Variants in FAM229B observed in about 807,000 individuals in gnomAD.
The protein encoded by FAM229B is family with sequence similarity 229 member B.
FAM229B carries 2 observed loss-of-function variants against 6.7 expected under a neutral mutation model. The ratio of observed to expected loss-of-function variants is 0.30; its 90% CI spans 0.12 to 0.94. The LOEUF (loss-of-function observed/expected upper bound fraction) is 0.94, where lower values mean the gene tolerates loss of function less well. Ranked by LOEUF, FAM229B falls within the 40% of genes least tolerant of loss-of-function variation. The pLI, the probability that FAM229B is intolerant of heterozygous loss-of-function variation, is 0.54. For synonymous variants in FAM229B, 29 were observed against 34.0 expected (o/e 0.85, Z 0.51); for missense variants, 93 against 96.2 (o/e 0.97, Z 0.14).
intron 3 of FAM229B, 58 bp downstream of exon 3, chr6:112,099,466 C>T (rs2114510763): frequency 2.0e-6 from 3 of 1,477,270 alleles, no homozygotes; most frequent in Non-Finnish European, 2.7e-6. Context: ...TCAATACAAC[C>T]TTCAGCTGAT....
chr6:112,099,915 G>C (rs1157851409), intron 3 of FAM229B, among the ~76,000 whole-genome samples: 1 of 152,224 alleles, frequency 6.6e-6, no homozygotes, highest in Non-Finnish European at 1.5e-5. Context: ...GTGAGACAAA[G>C]TGTTTTTGCA....
At chr6:112,095,676 AAG>A (rs1554318586) in intron 1 of FAM229B, among the ~76,000 whole-genome samples, 1 of 135,782 alleles carries the variant, frequency 7.4e-6, no homozygotes, top group Non-Finnish European at 1.5e-5. Context: ...AAAAAAAAAA[AAG>A]AAAAAAAAAA....
At chr6:112,093,227 A>T (rs1777280612) in intron 1 of FAM229B, among the ~76,000 whole-genome samples, 1 of 152,018 alleles carries the variant, frequency 6.6e-6, no homozygotes, top group African/African-American at 2.4e-5. Flanking sequence ...AAAATCAATG[A>T]ATGAAAAGTA....
At chr6:112,090,750 G>A (rs1156912162) in intron 1 of FAM229B, among the ~76,000 whole-genome samples, 1 of 151,980 alleles carries the variant, frequency 6.6e-6, no homozygotes, top group Non-Finnish European at 1.5e-5. Context: ...TAATTATTGT[G>A]TATATTAATG....
At chr6:112,094,365 G>A (rs968763813) in intron 1 of FAM229B, among the ~76,000 whole-genome samples, 28 of 152,150 alleles carry the variant, frequency 1.8e-4, no homozygotes, top group African/African-American at 6.8e-4. Context: ...GATTTGGCCT[G>A]TGCTTATGTC....
At chr6:112,090,420 C>T (rs1014242249) in intron 1 of FAM229B, among the ~76,000 whole-genome samples, 3 of 152,176 alleles carry the variant, frequency 2.0e-5, no homozygotes, top group African/African-American at 2.4e-5. Flanking sequence ...AGATCACTAT[C>T]CTTTTAGCTT....
intron 1 of FAM229B, among the ~76,000 whole-genome samples, chr6:112,087,991 A>G (rs116783593): frequency 2.7e-4 from 41 of 152,376 alleles, no homozygotes; most frequent in African/African-American, 9.4e-4. Flanking sequence ...TTTGACAAAA[A>G]TGGCAAAGCT....
At position 112,096,427 on chromosome 6, in the gene FAM229B, G is replaced by A. The variant is rs902126326; in HGVS notation, c.-175-614G>A. On this transcript the variant is annotated intron_variant, in intron 1 of 3. Transcript: ENST00000368656. ...AAAAATTAGCCGGGTGTGGTGGCGG[G>A]TGCCTGTAGTCCCAGCTACTTGGGA... 2.6e-5 allele frequency among the ~76,000 whole-genome samples: 4 copies of A among 151,996 alleles called. No homozygotes were observed. In the South Asian group the frequency reaches 8.3e-4, roughly 32 times the overall value.
intron 1 of FAM229B, among the ~76,000 whole-genome samples, chr6:112,093,142 C>T (rs1183777996): frequency 6.6e-6 from 1 of 151,674 alleles, no homozygotes; most frequent in Non-Finnish European, 1.5e-5. Context: ...ATATATACTG[C>T]TTACAAGAAA....
intron 1 of FAM229B, among the ~76,000 whole-genome samples, chr6:112,089,650 C>G (rs1298603568): frequency 6.6e-6 from 1 of 151,932 alleles, no homozygotes; most frequent in Non-Finnish European, 1.5e-5. Flanking sequence ...CCTTAAAGGA[C>G]TTAAAGAAAT....
rs55897192 is a variant in FAM229B, at chr6:112,099,312, G to C, written c.29G>C (p.Arg10Thr). MPFQFGTQP[R>T]RFPVEGGDSS... Reference sequence around the variant, plus strand: ...CCTTTTCAATTTGGAACCCAGCCAAGGAGGTTTCCAGTGGAAGGAGGAGAT... The same window carrying C: ...CCTTTTCAATTTGGAACCCAGCCAACGAGGTTTCCAGTGGAAGGAGGAGAT... The change falls in exon 3 of 4, where the codon AGG (arginine) becomes ACG (threonine). Residue 10 changes from arginine (R) to threonine (T), a missense_variant. By Grantham distance (71) the Arg-to-Thr change is moderately conservative. Transcript: ENST00000368656. 5 of 1,613,744 alleles carry C rather than the reference G, an allele frequency of 3.1e-6. No individual in the cohort carries two copies. The highest frequency in any genetic ancestry group is 4.2e-6 in the Non-Finnish European group (5 of 1,179,838).
At position 112,101,598 on chromosome 6, in the gene FAM229B, C is replaced by G. The variant is rs1352293000; in HGVS notation, c.*811C>G. On this transcript the variant is annotated 3_prime_UTR_variant, in exon 4 of 4. Transcript: ENST00000368656. ...TCTCTATGTTCTCTTTTTCTTCTTGCAGTAGTCCCCAGAAACTCAGTCTGC... is the reference window on the plus strand; with the variant it reads ...TCTCTATGTTCTCTTTTTCTTCTTGGAGTAGTCCCCAGAAACTCAGTCTGC... The G allele has an allele frequency of 3.9e-5, 6 of 152,010 alleles. No individual in the cohort carries two copies. The highest frequency in any genetic ancestry group is 1.5e-4 in the African/African-American group (6 of 41,376). 9.4% of individuals were successfully genotyped at this position (152,010 alleles called of 1,614,324 possible).
chr6:112,096,737 G>T (rs1348839635), intron 1 of FAM229B, among the ~76,000 whole-genome samples: 3 of 152,082 alleles, frequency 2.0e-5, no homozygotes, highest in Non-Finnish European at 4.4e-5. Flanking sequence ...GTACAATTTG[G>T]GTTTGAGGAT....
intron 2 of FAM229B, among the ~76,000 whole-genome samples, chr6:112,098,616 G>A (rs1333266172): frequency 3.9e-5 from 6 of 152,118 alleles, no homozygotes; most frequent in Admixed American, 1.3e-4. Context: ...CCAGAGCCAG[G>A]GACTATACTG....
At chr6:112,100,149 TGGAAA>T (rs1486870674) in intron 3 of FAM229B, among the ~76,000 whole-genome samples, 4 of 152,222 alleles carry the variant, frequency 2.6e-5, no homozygotes, top group African/African-American at 9.6e-5. Flanking sequence ...GTGGGAATGT[TGGAAA>T]GGAAATTCAT....
At chr6:112,098,906 T>C (rs1341368560) in intron 2 of FAM229B, among the ~76,000 whole-genome samples, 1 of 152,228 alleles carries the variant, frequency 6.6e-6, no homozygotes, top group African/African-American at 2.4e-5. Context: ...TAAGGGATAG[T>C]TGTGAAATAC....
intron 1 of FAM229B, among the ~76,000 whole-genome samples, chr6:112,090,718 ATTTG>A (rs1554318105): frequency 2.0e-5 from 3 of 151,704 alleles, no homozygotes; most frequent in Non-Finnish European, 4.4e-5. Flanking sequence ...TCCATTTTTG[ATTTG>A]TTTGATTTTA....
intron 1 of FAM229B, among the ~76,000 whole-genome samples, chr6:112,095,765 A>AT (rs1238994263): frequency 6.6e-6 from 1 of 150,994 alleles, no homozygotes; most frequent in Non-Finnish European, 1.5e-5. Context: ...AAACTATTAC[A>AT]TTTTTTGCCA....
At chr6:112,095,751 A>G (rs1777317542) in intron 1 of FAM229B, among the ~76,000 whole-genome samples, 1 of 151,202 alleles carries the variant, frequency 6.6e-6, no homozygotes, top group African/African-American at 2.4e-5. Flanking sequence ...CCTCTCAAAC[A>G]TGTAAACTAT....
Sources: allele counts gnomAD v4.1 joint callset (sites outside exome capture counted in the v4.1 genomes callset), GRCh38; gene constraint gnomAD v4.1.1; transcripts MANE v1.5; gene names NCBI Gene and HGNC (gene_info 2026-07-23, HGNC 2026-07-21).